Variants in ARHGEF10L observed in about 807,000 individuals in gnomAD.
ARHGEF10L encodes rho guanine nucleotide exchange factor 10-like protein.
Under a neutral mutation model 141.2 loss-of-function variants are expected in ARHGEF10L, and 69 were observed. That is an observed-to-expected ratio of 0.49 (90% confidence interval 0.40 to 0.60). The LOEUF is 0.60. ARHGEF10L is among the 20% of genes least tolerant of loss of function. ARHGEF10L has a pLI of 0.00. For missense variants in ARHGEF10L, 1,482 were observed against 1,734.3 expected (o/e 0.85, Z 2.58); for synonymous variants, 711 against 718.5 (o/e 0.99, Z 0.17).
upstream of ARHGEF10L, among the ~76,000 whole-genome samples, chr1:17,535,475 G>A (rs1000017596): frequency 4.6e-5 from 7 of 152,188 alleles, no homozygotes; most frequent in African/African-American, 1.7e-4. Flanking sequence ...GGCCAGACTG[G>A]GAGGCAGCGG....
rs2061742423 is a variant in ARHGEF10L, at chr1:17,648,780, A to G, written c.2394+105A>G. On this transcript the variant is annotated intron_variant, in intron 22 of 28. Transcript: ENST00000361221. ...GGAGCGCCCACAGCAGGGAAGGCTC[A>G]GGTTCCAGCTGTGGCTTCTAAATTC... 33 of 1,447,278 alleles carry G rather than the reference A, an allele frequency of 2.3e-5. 1 individual carries two copies. The Admixed American group carries it at 7.1e-4, about 31-fold the overall frequency. 89.7% of individuals were successfully genotyped at this position (1,447,278 alleles called of 1,614,324 possible).
At chr1:17,572,606 T>G (rs2078048928) in intron 1 of ARHGEF10L, among the ~76,000 whole-genome samples, 1 of 152,140 alleles carries the variant, frequency 6.6e-6, no homozygotes. Context: ...CTGCCCTGGC[T>G]CTGATCTGGA....
In ARHGEF10L at chr1:17,697,585, G is replaced by A. The variant is rs988336892; in HGVS notation, c.*205G>A. On this transcript the variant is annotated 3_prime_UTR_variant, in exon 29 of 29. Transcript: ENST00000361221. The surrounding 1 kb of genome is among the most constrained non-coding windows in gnomAD (Gnocchi z 4.8). Reference sequence around the variant, plus strand: ...GAGTTTTAGGGCTTGGGGAGAGGGAGGACACATCTGGAGGAAATGGCCTTC... The same window carrying A: ...GAGTTTTAGGGCTTGGGGAGAGGGAAGACACATCTGGAGGAAATGGCCTTC... 2 of 697,018 alleles carry A rather than the reference G, an allele frequency of 2.9e-6. No homozygotes were observed. The highest frequency in any genetic ancestry group is 2.3e-5 in the Admixed American group (1 of 44,430). The allele number at this position is 697,018 out of a possible 1,614,324, so 43.2% of individuals were successfully genotyped here.
At chr1:17,536,131 G>C (rs539416919), upstream of ARHGEF10L, among the ~76,000 whole-genome samples, 15 of 152,350 alleles carry the variant, frequency 9.8e-5, no homozygotes, top group South Asian at 2.7e-3. Flanking sequence ...CATTCCAGCC[G>C]AGGGCAAAGG....
rs772107727 is a variant in ARHGEF10L at position 17,672,035 on chromosome 1, G to A, written c.3009+7440G>A. Reference sequence around the variant, plus strand: ...AGCATGAAGGTGCTTCCTGAAGCGCGTGCGGTCAGCAATCTGCTCTGCATC... The same window carrying A: ...AGCATGAAGGTGCTTCCTGAAGCGCATGCGGTCAGCAATCTGCTCTGCATC... On this transcript the variant is annotated intron_variant, in intron 26 of 28. Transcript: ENST00000361221. 6.6e-5 allele frequency among the ~76,000 whole-genome samples: 10 copies of A among 152,292 alleles called. 1 individual carries two copies. The highest frequency in any genetic ancestry group is 2.2e-4 in the African/African-American group (9 of 41,562).
chr1:17,568,827 T>C (rs185844619), intron 1 of ARHGEF10L, among the ~76,000 whole-genome samples: 52 of 152,226 alleles, frequency 3.4e-4, no homozygotes, highest in African/African-American at 1.1e-3. Flanking sequence ...GGATTTGACT[T>C]CAACTCAGGA....
At position 17,634,676 on chromosome 1, in the gene ARHGEF10L, G is replaced by A. The variant is rs1009229658; in HGVS notation, c.1745+114G>A. The A allele has an allele frequency of 7.4e-6, 11 of 1,493,614 alleles. No homozygotes were observed. The African/African-American group carries it at 8.4e-5, about 11-fold the overall frequency. 92.5% of individuals were successfully genotyped at this position (1,493,614 alleles called of 1,614,324 possible). ...GGGCGCCTGGTGCTTCTACCCTGGC[G>A]AGGGATCCCTGCTCTGCCTGGCTTG... On this transcript the variant is annotated intron_variant, in intron 17 of 28. Transcript: ENST00000361221.
At chr1:17,664,410 TC>T (rs1211621155) in intron 25 of ARHGEF10L, 36 bp from the exon 26 acceptor site, 1 of 1,590,502 alleles carries the variant, frequency 6.3e-7, no homozygotes, top group East Asian at 2.3e-5. Flanking sequence ...TGCTTGCCGC[TC>T]CTGGCCCCTG....
intron 2 of ARHGEF10L, among the ~76,000 whole-genome samples, chr1:17,582,099 C>T (rs2078620187): frequency 6.6e-6 from 1 of 152,142 alleles, no homozygotes; most frequent in Non-Finnish European, 1.5e-5. Flanking sequence ...GATGGGCCTC[C>T]TGAGTTTTCC....
chr1:17,656,419 G>T lies in ARHGEF10L; in HGVS notation c.2706-135G>T. 1 of 1,112,744 alleles carries T rather than the reference G, an allele frequency of 9.0e-7. No homozygotes were observed. The highest frequency in any genetic ancestry group is 1.3e-6 in the Non-Finnish European group (1 of 767,702). The allele number at this position is 1,112,744 out of a possible 1,614,324, so 68.9% of individuals were successfully genotyped here. ...TGAGCTCCCGCATGGTGGAGCTATGGCCTGGCCACACAGCCGAAAGGCGTG... is the reference window on the plus strand; with the variant it reads ...TGAGCTCCCGCATGGTGGAGCTATGTCCTGGCCACACAGCCGAAAGGCGTG... On this transcript the variant is annotated intron_variant, in intron 24 of 28. Transcript: ENST00000361221. This position sits in a 1 kb window ranked among gnomAD's most constrained non-coding sequence, Gnocchi z 4.9.
Position 17,648,656 on chromosome 1 carries a change from C to G in ARHGEF10L, c.2375C>G (p.Ser792Cys), listed in dbSNP as rs1373985169. 6.2e-7 allele frequency: 1 copy of G among 1,612,780 alleles called. No individual in the cohort carries two copies. The highest frequency in any genetic ancestry group is 1.1e-5 in the South Asian group (1 of 91,018). Residue 792 changes from serine (S) to cysteine (C), a missense_variant, in exon 22 of 29, where the codon TCC (serine) becomes TGC (cysteine). Ser to Cys is a moderately radical substitution (Grantham distance 112, BLOSUM62 -1). Around this residue, in one of 3 missense-constraint regions of ARHGEF10L, gnomAD observed 858 missense variants for 966.3 expected, o/e 0.89. Transcript: ENST00000361221. Reference sequence around the variant, plus strand: ...GCCTGCTGCATCCCTGCCTTCTCCTCCCGGGCACTCAGCCTGCAGGTGAGT... The same window carrying G: ...GCCTGCTGCATCCCTGCCTTCTCCTGCCGGGCACTCAGCCTGCAGGTGAGT... ...ILACCIPAFS[S>C]RALSLQLGAL...
Position 17,656,152 on chromosome 1 carries a change from G to A in ARHGEF10L, c.2705+50G>A, listed in dbSNP as rs1439494871. ...AGAGCAGCCTCTGCAGGGCTGGGCA[G>A]TGGGTGGGGGCTGTCCCTGTAGCCT... On this transcript the variant is annotated intron_variant, in intron 24 of 28. Transcript: ENST00000361221. The surrounding 1 kb of genome is among the most constrained non-coding windows in gnomAD (Gnocchi z 4.9). 1 of 1,530,456 alleles carries A rather than the reference G, an allele frequency of 6.5e-7. No homozygotes were observed. The highest frequency in any genetic ancestry group is 8.8e-7 in the Non-Finnish European group (1 of 1,132,456). The allele number at this position is 1,530,456 out of a possible 1,614,324, so 94.8% of individuals were successfully genotyped here. A position where few individuals can be genotyped will look rare whatever the true frequency, so the allele number is the denominator to read the frequency against.
Position 17,680,224 on chromosome 1 carries a change from C to G in ARHGEF10L, c.3010-7349C>G, listed in dbSNP as rs574722743. On this transcript the variant is annotated intron_variant, in intron 26 of 28. Coordinates refer to ENST00000361221, the MANE Select transcript of ARHGEF10L (RefSeq NM_018125.4). ...GAAAGTCCTGACACACGGTGGGTAC[C>G]TGTAAAGTAGAAGCCCCACCAGCAT... 4.7e-4 allele frequency among the ~76,000 whole-genome samples: 72 copies of G among 152,322 alleles called. 1 individual carries two copies. The highest frequency in any genetic ancestry group is 7.8e-4 in the Non-Finnish European group (53 of 68,010).
At chr1:17,653,796 A>G (rs749370968) in intron 22 of ARHGEF10L, among the ~76,000 whole-genome samples, 1 of 152,264 alleles carries the variant, frequency 6.6e-6, no homozygotes, top group African/African-American at 2.4e-5. Context: ...ACATTGAGCC[A>G]GGCACGCCTC....
chr1:17,622,302 T>C (rs2060147797), intron 11 of ARHGEF10L, among the ~76,000 whole-genome samples: 1 of 152,052 alleles, frequency 6.6e-6, no homozygotes, highest in Non-Finnish European at 1.5e-5. Flanking sequence ...GTTGGGAAGA[T>C]GTGTAGGATG....
At chr1:17,669,760 A>C (rs2063200942) in intron 26 of ARHGEF10L, among the ~76,000 whole-genome samples, 1 of 152,258 alleles carries the variant, frequency 6.6e-6, no homozygotes, top group African/African-American at 2.4e-5. Flanking sequence ...GGCATCTAGC[A>C]GGGGCTCCCA....
At chr1:17,588,878 G>GTGTC (rs2079269679) in intron 4 of ARHGEF10L, among the ~76,000 whole-genome samples, 1 of 82,302 alleles carries the variant, frequency 1.2e-5, no homozygotes, top group Non-Finnish European at 2.4e-5. Context: ...GTGTGTGTGT[G>GTGTC]TGTGTGTGTG....
intron 1 of ARHGEF10L, among the ~76,000 whole-genome samples, chr1:17,559,494 C>T (rs367658305): frequency 1.3e-5 from 2 of 152,082 alleles, no homozygotes; most frequent in Non-Finnish European, 2.9e-5. Flanking sequence ...AATAGGGGAC[C>T]GACACCCCCC....
chr1:17,585,827 A>G (rs1033306794), intron 2 of ARHGEF10L, among the ~76,000 whole-genome samples: 1 of 152,098 alleles, frequency 6.6e-6, no homozygotes, highest in Non-Finnish European at 1.5e-5. Flanking sequence ...TCATCCATCC[A>G]TCTAATGTTT....
Sources: gnomAD v4.1 joint callset for allele counts (sites outside exome capture counted in the v4.1 genomes callset) on GRCh38, gnomAD v4.1.1 for gene constraint, gnomAD v4.1.1 regional missense constraint, Gnocchi (gnomAD v3.1) non-coding constraint, MANE v1.5 for transcripts, NCBI Gene and HGNC (gene_info 2026-07-23, HGNC 2026-07-21) for gene names.